Variants in PAQR5 observed in about 807,000 individuals in gnomAD.
PAQR5 encodes the protein membrane progestin receptor gamma.
In PAQR5, 20 loss-of-function variants were observed where a neutral mutation model predicts 34.5. The ratio of observed to expected loss-of-function variants is 0.58; its 90% CI spans 0.41 to 0.84. The LOEUF (loss-of-function observed/expected upper bound fraction) is 0.84. Ranked by LOEUF, PAQR5 falls within the 40% of genes least tolerant of loss-of-function variation. The probability of loss-of-function intolerance (pLI) is 0.00; values close to 1 mark genes in which losing one functional copy is unlikely to be tolerated. For missense variants in PAQR5, 378 were observed against 412.7 expected (o/e 0.92, Z 0.73); for synonymous variants, 131 against 155.6 (o/e 0.84, Z 1.18).
At chr15:69,335,117 AGAAG>A (rs1403813090) in intron 1 of PAQR5, among the ~76,000 whole-genome samples, 1 of 151,728 alleles carries the variant, frequency 6.6e-6, no homozygotes, top group African/African-American at 2.4e-5. Context: ...CCAGCTACTC[AGAAG>A]GCTGAGGCAG....
intron 1 of PAQR5, among the ~76,000 whole-genome samples, chr15:69,312,342 G>C (rs945929211): frequency 6.6e-6 from 1 of 152,108 alleles, no homozygotes; most frequent in South Asian, 2.1e-4. Context: ...GGGCTTGAAG[G>C]TGCCTATGAT....
intron 1 of PAQR5, among the ~76,000 whole-genome samples, chr15:69,328,331 G>T (rs2054300315): frequency 6.6e-6 from 1 of 152,222 alleles, no homozygotes; most frequent in Non-Finnish European, 1.5e-5. Flanking sequence ...TAAGACCAAG[G>T]CTGAGAAAGT....
chr15:69,323,246 C>T (rs372818625), intron 1 of PAQR5, among the ~76,000 whole-genome samples: 9 of 152,338 alleles, frequency 5.9e-5, no homozygotes, highest in African/African-American at 1.7e-4. Flanking sequence ...CAGAGGCTGG[C>T]GCACAGTGAG....
At chr15:69,356,827 T>G (rs1478488672) in intron 2 of PAQR5, among the ~76,000 whole-genome samples, 1 of 152,194 alleles carries the variant, frequency 6.6e-6, no homozygotes, top group African/African-American at 2.4e-5. Context: ...TTCCTTCCTT[T>G]TTAAGGATGA....
At chr15:69,356,892 C>A (rs1409039628) in intron 2 of PAQR5, among the ~76,000 whole-genome samples, 2 of 152,076 alleles carry the variant, frequency 1.3e-5, no homozygotes, top group South Asian at 4.1e-4. Context: ...TTTGTCCCTG[C>A]GCAAGTCTCA....
At chr15:69,317,445 T>G (rs1360197911) in intron 1 of PAQR5, among the ~76,000 whole-genome samples, 1 of 152,184 alleles carries the variant, frequency 6.6e-6, no homozygotes, top group Non-Finnish European at 1.5e-5. Context: ...TCTGGGCCCA[T>G]GCCGGTCCAC....
In PAQR5 at chr15:69,397,528, T is replaced by A; in HGVS notation, c.573T>A (p.Tyr191Ter). The change falls in exon 7 of 9, where the codon TAT becomes TAA. Residue 191 changes from tyrosine to a stop codon, truncating the protein, a stop_gained. Coordinates refer to ENST00000395407, the MANE Select transcript of PAQR5 (RefSeq NM_017705.4). LOFTEE classifies it high-confidence loss of function. ...TGATTCGTGTCCTCGCCTTTGCTTA[T>A]CCGTACACCTGGGACTCCCTCCCCA... ...CKVIRVLAFA[Y>*]PYTWDSLPIF... 1 of 1,613,608 alleles carries A rather than the reference T, an allele frequency of 6.2e-7. No individual in the cohort carries two copies. Among genetic ancestry groups the A allele is most frequent in the South Asian group, 1.1e-5 (1 of 91,060 alleles).
At chr15:69,383,755 G>GC (rs2056006730) in intron 4 of PAQR5, among the ~76,000 whole-genome samples, 1 of 96,492 alleles carries the variant, frequency 1.0e-5, no homozygotes, top group African/African-American at 4.4e-5. Context: ...GGGTGAGTGG[G>GC]CCTCTGTGCT....
In PAQR5 at chr15:69,363,224, G is replaced by C. The variant is rs1028741101; in HGVS notation, c.51+3093G>C. 3.3e-5 allele frequency among the ~76,000 whole-genome samples: 5 copies of C among 152,256 alleles called. No individual in the cohort carries two copies. The South Asian group carries it at 8.3e-4, about 25-fold the overall frequency. Reference sequence around the variant, plus strand: ...AGAGTTGTAATCCTGGTCCATTCTTGGTGCATTCCTGGCTGATAGATTGTT... The same window carrying C: ...AGAGTTGTAATCCTGGTCCATTCTTCGTGCATTCCTGGCTGATAGATTGTT... On this transcript the variant is annotated intron_variant, in intron 3 of 8. Coordinates refer to ENST00000395407, the MANE Select transcript of PAQR5 (RefSeq NM_017705.4).
At chr15:69,400,721 GA>G (rs1263197616) in intron 8 of PAQR5, among the ~76,000 whole-genome samples, 3 of 152,118 alleles carry the variant, frequency 2.0e-5, no homozygotes, top group East Asian at 1.9e-4. Flanking sequence ...GAAGAGGAAA[GA>G]AAGGATGAAG....
At chr15:69,368,072 T>TTA (rs397734084) in intron 3 of PAQR5, among the ~76,000 whole-genome samples, 3 of 151,514 alleles carry the variant, frequency 2.0e-5, no homozygotes, top group African/African-American at 4.9e-5. Context: ...CTTTTTTTTT[T>TTA]AGACCAAGTC....
chr15:69,369,745 A>ATTT (rs3085530), intron 3 of PAQR5, among the ~76,000 whole-genome samples: 3,596 of 148,322 alleles, frequency 0.024, 84 homozygotes, highest in Admixed American at 0.055. Flanking sequence ...TTTGGGAGAG[A>ATTT]TTTTTTTTTT....
chr15:69,326,758 T>C (rs2054261879), intron 1 of PAQR5, among the ~76,000 whole-genome samples: 2 of 152,104 alleles, frequency 1.3e-5, no homozygotes, highest in South Asian at 4.2e-4. Context: ...TAATAGACTT[T>C]ATGTTTTAGA....
In PAQR5 at chr15:69,405,372, A is replaced by G. The variant is rs111558120; in HGVS notation, c.*1550A>G. The G allele has an allele frequency of 3.5e-3, 626 of 178,566 alleles. 2 individuals carry two copies. The highest frequency in any genetic ancestry group is 0.014 in the African/African-American group (592 of 42,686). The allele number at this position is 178,566 out of a possible 1,614,324, so 11.1% of individuals were successfully genotyped here. A position where few individuals can be genotyped will look rare whatever the true frequency, so the allele number is the denominator to read the frequency against. On this transcript the variant is annotated 3_prime_UTR_variant, in exon 9 of 9. Coordinates refer to ENST00000395407, the MANE Select transcript of PAQR5 (RefSeq NM_017705.4). The stretch of plus-strand genomic sequence containing the variant: ...CTCACTGTCTAATACTCGAAGGACA[A>G]GTAACAATTTATATTGGATGAGAGT...
intron 2 of PAQR5, among the ~76,000 whole-genome samples, chr15:69,349,485 G>A (rs1450874900): frequency 6.6e-6 from 1 of 152,124 alleles, no homozygotes; most frequent in Non-Finnish European, 1.5e-5. Flanking sequence ...CGAATTTATT[G>A]CTGTGGGCAC....
At chr15:69,323,960 G>A (rs948353560) in intron 1 of PAQR5, among the ~76,000 whole-genome samples, 4 of 151,918 alleles carry the variant, frequency 2.6e-5, no homozygotes, top group East Asian at 1.9e-4. Flanking sequence ...ATAGCCCCAC[G>A]GTACAGTTTT....
At chr15:69,368,756 C>A (rs2055473609) in intron 3 of PAQR5, among the ~76,000 whole-genome samples, 1 of 151,372 alleles carries the variant, frequency 6.6e-6, no homozygotes, top group African/African-American at 2.4e-5. Flanking sequence ...TTTTTAATTT[C>A]TAAAAGTTAT....
At chr15:69,381,623 A>G (rs1162356510) in intron 4 of PAQR5, among the ~76,000 whole-genome samples, 1 of 152,130 alleles carries the variant, frequency 6.6e-6, no homozygotes, top group Admixed American at 6.5e-5. Context: ...AGCACTGCCT[A>G]TGCACTTCTA....
chr15:69,401,607 A>G (rs1012764966), intron 8 of PAQR5, among the ~76,000 whole-genome samples: 1 of 152,310 alleles, frequency 6.6e-6, no homozygotes, highest in East Asian at 1.9e-4. Flanking sequence ...AGGTTTCTTA[A>G]TAACATTTTA....
Sources: allele counts gnomAD v4.1 joint callset (sites outside exome capture counted in the v4.1 genomes callset), GRCh38; gene constraint gnomAD v4.1.1; transcripts MANE v1.5; gene names NCBI Gene and HGNC (gene_info 2026-07-23, HGNC 2026-07-21).